Variants in UPK1B observed in about 807,000 individuals in gnomAD.
The protein encoded by UPK1B is uroplakin 1B.
In UPK1B, 28 loss-of-function variants were observed where a neutral mutation model predicts 34.2. The ratio of observed to expected loss-of-function variants is 0.82; its 90% CI spans 0.61 to 1.12. UPK1B has a LOEUF of 1.12. Ranked by LOEUF, UPK1B falls within the 50% of genes most tolerant of loss-of-function variation. The pLI is 0.00. For synonymous variants in UPK1B, 81 were observed against 110.4 expected (o/e 0.73, Z 1.67); for missense variants, 325 against 320.9 (o/e 1.01, Z -0.10).
intron 2 of UPK1B, 127 bp from the exon 3 acceptor site, chr3:119,187,648 G>A: frequency 2.1e-6 from 2 of 937,688 alleles, no homozygotes; most frequent in Non-Finnish European, 3.4e-6. Context: ...TCCTGGCAAT[G>A]GGGAGTTTAG....
chr3:119,188,626 A>C (rs1391004613), intron 3 of UPK1B, among the ~76,000 whole-genome samples: 1 of 152,194 alleles, frequency 6.6e-6, no homozygotes, highest in Non-Finnish European at 1.5e-5. Flanking sequence ...CTTCTGCCCC[A>C]AACCATAGAC....
Position 119,204,843 on chromosome 3 carries a change from C to T in UPK1B, c.*876C>T, listed in dbSNP as rs2078112575. 1 of 152,216 alleles carries T rather than the reference C, an allele frequency of 6.6e-6. No individual in the cohort carries two copies. Among genetic ancestry groups the T allele is most frequent in the Non-Finnish European group, 1.5e-5 (1 of 68,086 alleles). 9.4% of individuals were successfully genotyped at this position (152,216 alleles called of 1,614,324 possible). On this transcript the variant is annotated 3_prime_UTR_variant, in exon 8 of 8. Transcript: ENST00000264234. ...GAGCTGAGATCGTACCTATTGCACTCCATCCTGGATGAAAGAGCCAGACTC... is the reference window on the plus strand; with the variant it reads ...GAGCTGAGATCGTACCTATTGCACTTCATCCTGGATGAAAGAGCCAGACTC...
chr3:119,199,034 T>C, intron 6 of UPK1B, 23 bp from the exon 7 acceptor site: 1 of 1,613,566 alleles, frequency 6.2e-7, no homozygotes, highest in African/African-American at 1.3e-5. Context: ...CTCACACTAA[T>C]GTGGAATTGC....
intron 1 of UPK1B, among the ~76,000 whole-genome samples, chr3:119,175,816 A>G (rs1298905581): frequency 6.6e-6 from 1 of 152,218 alleles, no homozygotes; most frequent in African/African-American, 2.4e-5. Context: ...GGTTGGAGCA[A>G]CTGAGGAACT....
chr3:119,192,271 T>C (rs976144197), intron 5 of UPK1B, among the ~76,000 whole-genome samples: 1 of 152,170 alleles, frequency 6.6e-6, no homozygotes, highest in Non-Finnish European at 1.5e-5. Context: ...CTCTTTCCTC[T>C]TTGCCTAACC....
At chr3:119,197,708 C>G (rs2107437297) in intron 6 of UPK1B, among the ~76,000 whole-genome samples, 1 of 152,290 alleles carries the variant, frequency 6.6e-6, no homozygotes, top group South Asian at 2.1e-4. Flanking sequence ...AGCTTGCATT[C>G]TAGCATGGGA....
chr3:119,182,356 G>A (rs947011537), intron 1 of UPK1B, among the ~76,000 whole-genome samples: 2 of 151,976 alleles, frequency 1.3e-5, no homozygotes, highest in Admixed American at 6.6e-5. Context: ...ATCCCCCTGG[G>A]GTCACTGATA....
chr3:119,188,610 G>T (rs2078030202), intron 3 of UPK1B, among the ~76,000 whole-genome samples: 1 of 152,164 alleles, frequency 6.6e-6, no homozygotes, highest in East Asian at 1.9e-4. Flanking sequence ...GTACATCAAG[G>T]AGAGGCTTCT....
intron 1 of UPK1B, among the ~76,000 whole-genome samples, chr3:119,184,951 C>T (rs1336109353): frequency 6.6e-6 from 1 of 152,212 alleles, no homozygotes; most frequent in African/African-American, 2.4e-5. Flanking sequence ...AATGTCTGTA[C>T]ATACCAGTAA....
At chr3:119,175,036 T>TTTTTTTTTTTTTTTTTTC (rs2077948794) in intron 1 of UPK1B, among the ~76,000 whole-genome samples, 1 of 100,764 alleles carries the variant, frequency 9.9e-6, no homozygotes, top group African/African-American at 4.2e-5. Context: ...TTTTTTTTTT[T>TTTTTTTTTTTTTTTTTTC]TTTTTTTTTT....
intron 1 of UPK1B, among the ~76,000 whole-genome samples, chr3:119,179,507 C>CTTTTTTT (rs71297415): frequency 0.16 from 8,103 of 52,110 alleles, 3,068 homozygotes; most frequent in Middle Eastern, 0.26. Flanking sequence ...ATGTTGCAGT[C>CTTTTTTT]TTTTTTTTTT....
At chr3:119,181,343 A>G (rs780328573) in intron 1 of UPK1B, among the ~76,000 whole-genome samples, 5 of 152,226 alleles carry the variant, frequency 3.3e-5, no homozygotes, top group Non-Finnish European at 7.3e-5. Context: ...CACTGGTTTT[A>G]GGTACCTTCA....
chr3:119,197,080 T>G (rs1263225954), intron 6 of UPK1B, among the ~76,000 whole-genome samples: 9 of 152,132 alleles, frequency 5.9e-5, no homozygotes, highest in Non-Finnish European at 1.3e-4. Flanking sequence ...TATTGTAGGT[T>G]TTCAGGATCT....
intron 5 of UPK1B, among the ~76,000 whole-genome samples, chr3:119,192,821 A>G (rs2078050162): frequency 6.6e-6 from 1 of 152,152 alleles, no homozygotes; most frequent in African/African-American, 2.4e-5. Flanking sequence ...AACAGCCTAC[A>G]TGGACACCTT....
In UPK1B at chr3:119,179,399, T is replaced by TATATATATATATATA. The variant is rs1559900078; in HGVS notation, c.-29+5762_-29+5763insTATATATATATATAA. Among the ~76,000 whole-genome samples the TATATATATATATATA allele has an allele frequency of 1.6e-3, 85 of 54,302 alleles. 14 individuals carry two copies. The highest frequency in any genetic ancestry group is 2.0e-3 in the Non-Finnish European group (57 of 28,200). The allele number at this position is 54,302 out of a possible 152,430, so 35.6% of individuals were successfully genotyped here. On this transcript the variant is annotated intron_variant, in intron 1 of 7. Transcript: ENST00000264234. ...TATATATATATATATATATATATATTAATTCTAAGGAATTAACCTATGTGA... is the reference window on the plus strand; with the variant it reads ...TATATATATATATATATATATATATTATATATATATATATAAATTCTAAGGAATTAACCTATGTGA...
chr3:119,176,531 A>G (rs1173946705), intron 1 of UPK1B, among the ~76,000 whole-genome samples: 1 of 152,222 alleles, frequency 6.6e-6, no homozygotes, highest in Non-Finnish European at 1.5e-5. Context: ...CAGGGTATTG[A>G]GCAATTTGAG....
chr3:119,203,773 GGTT>G (rs1333290938), intron 7 of UPK1B, 141 bp from the exon 8 acceptor site: 2 of 801,108 alleles, frequency 2.5e-6, no homozygotes, highest in East Asian at 5.4e-5. Context: ...TTTTTGTTTT[GGTT>G]TTTTAGAAGA....
At chr3:119,198,123 C>G (rs1295746701) in intron 6 of UPK1B, among the ~76,000 whole-genome samples, 1 of 120,768 alleles carries the variant, frequency 8.3e-6, no homozygotes, top group Non-Finnish European at 1.6e-5. Flanking sequence ...AGGGAAGGAT[C>G]CTTCTTAGGA....
chr3:119,179,505 G>GTTTTTTTTTTTTTTTTT (rs1293357139), intron 1 of UPK1B, among the ~76,000 whole-genome samples: 3 of 45,244 alleles, frequency 6.6e-5, no homozygotes, highest in Non-Finnish European at 1.5e-4. Context: ...TGATGTTGCA[G>GTTTTTTTTTTTTTTTTT]TCTTTTTTTT....
Sources: gnomAD v4.1 joint callset for allele counts (sites outside exome capture counted in the v4.1 genomes callset) on GRCh38, gnomAD v4.1.1 for gene constraint, MANE v1.5 for transcripts, NCBI Gene and HGNC (gene_info 2026-07-23, HGNC 2026-07-21) for gene names.